Variants in KCNK17 observed in about 807,000 individuals in gnomAD.
The protein encoded by KCNK17 is potassium channel subfamily K member 17.
Under a neutral mutation model 24.6 loss-of-function variants are expected in KCNK17, and 27 were observed. The observed-to-expected ratio is 1.10, with a 90% CI of 0.81 to 1.51. KCNK17 has a LOEUF of 1.51. Ranked by LOEUF, KCNK17 falls within the 40% of genes most tolerant of loss-of-function variation. The pLI is 0.00. For missense variants in KCNK17, 450 were observed against 436.6 expected, an observed-to-expected ratio of 1.03 and a Z score of -0.27; for synonymous variants, 181 against 189.8, an observed-to-expected ratio of 0.95 and a Z score of 0.38.
In KCNK17 at chr6:39,299,350, T is replaced by C. The variant is rs964670359; in HGVS notation, c.*77A>G. Reference sequence around the variant, plus strand: ...TAGGGTGGATGGAAAATGTAGTCTTTAGTTTGGGTGGACATGTGCAAAGCT... The same window carrying C: ...TAGGGTGGATGGAAAATGTAGTCTTCAGTTTGGGTGGACATGTGCAAAGCT... On this transcript the variant is annotated 3_prime_UTR_variant, in exon 5 of 5. Coordinates refer to ENST00000373231, the MANE Select transcript of KCNK17 (RefSeq NM_031460.4). 5.3e-6 allele frequency: 6 copies of C among 1,130,326 alleles called. No individual in the cohort carries two copies. In the African/African-American group the frequency reaches 7.8e-5, roughly 15 times the overall value. The allele number at this position is 1,130,326 out of a possible 1,614,324, so 70.0% of individuals were successfully genotyped here.
intron 1 of KCNK17, among the ~76,000 whole-genome samples, chr6:39,313,177 CCA>C (rs1358365261): frequency 9.8e-5 from 15 of 152,360 alleles, no homozygotes; most frequent in South Asian, 2.1e-4. Flanking sequence ...CGAGCAGCTG[CCA>C]GTCTGGCGTC....
intron 1 of KCNK17, 79 bp from the exon 2 acceptor site, chr6:39,311,086 A>G (rs945366302): frequency 7.8e-6 from 3 of 386,724 alleles, no homozygotes; most frequent in South Asian, 8.3e-5. Flanking sequence ...ACACACACAC[A>G]CACACACACA....
chr6:39,308,109 C>A (rs1319876687), intron 2 of KCNK17, among the ~76,000 whole-genome samples: 1 of 152,140 alleles, frequency 6.6e-6, no homozygotes, highest in African/African-American at 2.4e-5. Context: ...CTAAGCACAC[C>A]CCACTACCTG....
chr6:39,304,464 C>A, intron 3 of KCNK17, 31 bp downstream of exon 3: 1 of 1,588,414 alleles, frequency 6.3e-7, no homozygotes, highest in South Asian at 1.1e-5. Context: ...TAGAAGTGAC[C>A]CATCCCCACC....
chr6:39,311,071 TGCACACACACACACACAC>T, intron 1 of KCNK17, 64 bp from the exon 2 acceptor site: 3 of 662,580 alleles, frequency 4.5e-6, no homozygotes, highest in Non-Finnish European at 5.3e-6. Flanking sequence ...TACCCCAAGA[TGCACACACACACACACAC>T]ACACACACAC....
At chr6:39,309,850 T>C (rs1016839885) in intron 2 of KCNK17, among the ~76,000 whole-genome samples, 5 of 152,180 alleles carry the variant, frequency 3.3e-5, no homozygotes, top group Non-Finnish European at 5.9e-5. Flanking sequence ...AATCGGCCCA[T>C]CCTGCCAGTC....
At chr6:39,310,506 G>A (rs1211491584) in intron 2 of KCNK17, among the ~76,000 whole-genome samples, 2 of 152,034 alleles carry the variant, frequency 1.3e-5, no homozygotes, top group Non-Finnish European at 2.9e-5. Flanking sequence ...CACTTCTCCC[G>A]ACCACCACTC....
intron 2 of KCNK17, among the ~76,000 whole-genome samples, chr6:39,305,748 T>G (rs1490568130): frequency 1.3e-5 from 2 of 151,894 alleles, no homozygotes; most frequent in Non-Finnish European, 2.9e-5. Context: ...CTGAGACTCG[T>G]CTGGTGCCCC....
intron 2 of KCNK17, 21 bp downstream of exon 2, chr6:39,310,872 C>CGGCCCCCAA: frequency 2.1e-6 from 3 of 1,442,378 alleles, no homozygotes; most frequent in Non-Finnish European, 1.9e-6. Flanking sequence ...CCCCATCCCC[C>CGGCCCCCAA]TGGCCCCATC....
rs150207756 is a variant in KCNK17, at chr6:39,310,991, T to C, written c.254A>G (p.Tyr85Cys). The C allele has an allele frequency of 1.9e-6, 3 of 1,604,996 alleles. No individual in the cohort carries two copies. Among genetic ancestry groups the C allele is most frequent in the East Asian group, 2.2e-5 (1 of 44,634 alleles). The change falls in exon 2 of 5, where the codon TAC becomes TGC. Residue 85 changes from tyrosine to cysteine, a missense_variant. Tyr to Cys is a radical substitution (Grantham distance 194). Coordinates refer to ENST00000373231, the MANE Select transcript of KCNK17 (RefSeq NM_031460.4). Reference sequence around the variant, plus strand: ...GCTGAGGAGGCTGGCTCCGTTTTTGTATGCTTGGACGACATCCTGGGGAAG... The same window carrying C: ...GCTGAGGAGGCTGGCTCCGTTTTTGCATGCTTGGACGACATCCTGGGGAAG... The part of the protein sequence containing the change: ...DSLIRDVVQA[Y>C]KNGASLLSNT...
chr6:39,304,700 T>TCCTGG, intron 2 of KCNK17, 45 bp from the exon 3 acceptor site: 1 of 1,587,254 alleles, frequency 6.3e-7, no homozygotes, highest in Non-Finnish European at 8.6e-7. Flanking sequence ...AGCCCAGCCC[T>TCCTGG]GTCCACTCAC....
chr6:39,311,060 G>T, intron 1 of KCNK17, 53 bp from the exon 2 acceptor site: 6 of 931,046 alleles, frequency 6.4e-6, no homozygotes, highest in Non-Finnish European at 1.0e-5. Context: ...TGGATTTCCT[G>T]TACCCCAAGA....
chr6:39,309,180 C>T lies in KCNK17; in HGVS notation c.352+1713G>A, dbSNP rs191160479. Among the ~76,000 whole-genome samples, 425 of 152,292 alleles carry T rather than the reference C, an allele frequency of 2.8e-3. 3 individuals carry two copies. Among genetic ancestry groups the T allele is most frequent in the African/African-American group, 8.3e-3 (344 of 41,556 alleles). ...TCTCTACTGAAATACAAAAATTAGC[C>T]GGGCATGTTGGCAAGTGCCTGTAGT... On this transcript the variant is annotated intron_variant, in intron 2 of 4. Transcript: ENST00000373231.
At chr6:39,303,906 A>C in intron 4 of KCNK17, 51 bp downstream of exon 4, 1 of 1,579,210 alleles carries the variant, frequency 6.3e-7, no homozygotes, top group Non-Finnish European at 8.6e-7. Context: ...GATGAGTGAG[A>C]GGTATAGGCA....
chr6:39,310,886 C>A lies in KCNK17; in HGVS notation c.352+7G>T. ...CCCCCATCCCCCTGGCCCCATCTGG[C>A]CCTTACCAATGGTGGTGATGGTGGA... On this transcript the variant is annotated splice_region_variant and intron_variant, in intron 2 of 4. Transcript: ENST00000373231. The A allele has an allele frequency of 7.5e-7, 1 of 1,329,968 alleles. No homozygotes were observed. Among genetic ancestry groups the A allele is most frequent in the Non-Finnish European group, 1.1e-6 (1 of 948,406 alleles). 82.4% of individuals were successfully genotyped at this position (1,329,968 alleles called of 1,614,324 possible).
At chr6:39,312,313 C>T (rs2113842027) in intron 1 of KCNK17, among the ~76,000 whole-genome samples, 1 of 151,864 alleles carries the variant, frequency 6.6e-6, no homozygotes, top group East Asian at 1.9e-4. Flanking sequence ...AAGATCTGGG[C>T]TGGATACCAC....
chr6:39,308,252 G>A (rs1762069409), intron 2 of KCNK17, among the ~76,000 whole-genome samples: 1 of 152,172 alleles, frequency 6.6e-6, no homozygotes, highest in Admixed American at 6.5e-5. Context: ...AGGTACATAT[G>A]TATGTGTACA....
In KCNK17 at chr6:39,314,176, G is replaced by C; in HGVS notation, c.145C>G (p.Gln49Glu). 6.4e-7 allele frequency: 1 copy of C among 1,558,928 alleles called. No individual in the cohort carries two copies. The highest frequency in any genetic ancestry group is 8.7e-7 in the Non-Finnish European group (1 of 1,155,988). ...CGCTGGAAGCTGCGGCTGGAGTCCTGCGCCGCGCGGCCCTCCAGCGTCCAG... is the reference window on the plus strand; with the variant it reads ...CGCTGGAAGCTGCGGCTGGAGTCCTCCGCCGCGCGGCCCTCCAGCGTCCAG... ...VFWTLEGRAAQDSSRSFQRDK... is the reference protein window; with the variant it reads ...VFWTLEGRAAEDSSRSFQRDK... Residue 49 changes from glutamine (Q) to glutamate (E), a missense_variant, in exon 1 of 5, where the codon CAG (glutamine) becomes GAG (glutamate). Physicochemically the swap from Gln to Glu is conservative, Grantham distance 29 (BLOSUM62 2). Coordinates refer to ENST00000373231, the MANE Select transcript of KCNK17 (RefSeq NM_031460.4).
chr6:39,312,430 G>C (rs1762155802), intron 1 of KCNK17, among the ~76,000 whole-genome samples: 1 of 152,136 alleles, frequency 6.6e-6, no homozygotes, highest in African/African-American at 2.4e-5. Context: ...AGCCTGGCTG[G>C]GAATCTTGGG....
Sources: allele counts gnomAD v4.1 joint callset (sites outside exome capture counted in the v4.1 genomes callset), GRCh38; gene constraint gnomAD v4.1.1; transcripts MANE v1.5; gene names NCBI Gene and HGNC (gene_info 2026-07-23, HGNC 2026-07-21).